PCDH9: variants seen among roughly 807,000 people sequenced by gnomAD.
PCDH9 encodes the protein protocadherin-9.
PCDH9 carries 24 observed loss-of-function variants against 70.6 expected under a neutral mutation model. The observed-to-expected ratio is 0.34, with a 90% confidence interval of 0.25 to 0.48. The LOEUF (loss-of-function observed/expected upper bound fraction) is 0.48. PCDH9 is among the 20% of genes least tolerant of loss of function. The probability of loss-of-function intolerance (pLI) is 0.99; values close to 1 mark genes in which losing one functional copy is unlikely to be tolerated. For missense variants in PCDH9, 1,281 were observed against 1,503.6 expected (o/e 0.85, Z 2.45); for synonymous variants, 562 against 558.5 (o/e 1.01, Z -0.09).
At chr13:66,884,207 G>A (rs967154336) in intron 3 of PCDH9, among the ~76,000 whole-genome samples, 9 of 151,930 alleles carry the variant, frequency 5.9e-5, no homozygotes, top group African/African-American at 1.2e-4. Flanking sequence ...CACTTTAAGC[G>A]TTCTTGCTTT....
chr13:66,575,721 C>T (rs995271079), intron 4 of PCDH9, among the ~76,000 whole-genome samples: 1 of 152,096 alleles, frequency 6.6e-6, no homozygotes, highest in Non-Finnish European at 1.5e-5. Flanking sequence ...ATTTTCAGAA[C>T]CATCTCCCTC....
At chr13:66,992,318 A>C (rs573817748) in intron 2 of PCDH9, among the ~76,000 whole-genome samples, 31 of 152,230 alleles carry the variant, frequency 2.0e-4, no homozygotes, top group Non-Finnish European at 4.4e-4. Context: ...AGGTACTGCC[A>C]CTCTGTCAAG....
At chr13:66,820,978 C>T (rs572870224) in intron 3 of PCDH9, among the ~76,000 whole-genome samples, 1 of 152,080 alleles carries the variant, frequency 6.6e-6, no homozygotes, top group Admixed American at 6.5e-5. Context: ...GCTCATGTTC[C>T]CCTGAACTTA....
intron 2 of PCDH9, among the ~76,000 whole-genome samples, chr13:67,188,986 T>C (rs576251637): frequency 3.9e-5 from 6 of 152,182 alleles, no homozygotes; most frequent in South Asian, 4.2e-4. Flanking sequence ...GTGTCATTCT[T>C]ATGCCTTTGC....
At chr13:66,481,086 T>G (rs545362513) in intron 4 of PCDH9, among the ~76,000 whole-genome samples, 1 of 151,656 alleles carries the variant, frequency 6.6e-6, no homozygotes, top group Non-Finnish European at 1.5e-5. Context: ...TTCTGACTCA[T>G]AAGTGGGAGT....
chr13:66,773,808 C>T (rs889203012), intron 3 of PCDH9, among the ~76,000 whole-genome samples: 5 of 150,460 alleles, frequency 3.3e-5, no homozygotes, highest in Non-Finnish European at 5.9e-5. Context: ...GACGGAGCTT[C>T]GCTCTTGTCT....
At chr13:66,746,957 T>C (rs2079375655) in intron 3 of PCDH9, among the ~76,000 whole-genome samples, 1 of 152,080 alleles carries the variant, frequency 6.6e-6, no homozygotes, top group Non-Finnish European at 1.5e-5. Context: ...GATTTCTTGC[T>C]ATTTTTTCCT....
At chr13:67,210,030 C>A (rs1335189283) in intron 2 of PCDH9, 1 of 152,034 alleles carries the variant, frequency 6.6e-6, no homozygotes, top group Non-Finnish European at 1.5e-5. Flanking sequence ...ATTTTTATTA[C>A]ATTTACACAT....
At chr13:66,374,410 A>G (rs1956713617) in intron 4 of PCDH9, among the ~76,000 whole-genome samples, 1 of 152,022 alleles carries the variant, frequency 6.6e-6, no homozygotes, top group Admixed American at 6.6e-5. Flanking sequence ...TACTTTTAGA[A>G]ATTTGATTAG....
At chr13:67,151,801 C>T (rs956500051) in intron 2 of PCDH9, among the ~76,000 whole-genome samples, 17 of 151,990 alleles carry the variant, frequency 1.1e-4, no homozygotes, top group Non-Finnish European at 2.4e-4. Flanking sequence ...ATAAAGGACT[C>T]AGGAAGTATC....
intron 2 of PCDH9, among the ~76,000 whole-genome samples, chr13:66,910,989 T>C (rs1015682904): frequency 2.0e-4 from 30 of 152,334 alleles, no homozygotes; most frequent in Admixed American, 5.9e-4. Flanking sequence ...GAGATAGCAA[T>C]AGAGTTATAT....
intron 2 of PCDH9, among the ~76,000 whole-genome samples, chr13:66,998,268 T>C (rs1474724016): frequency 1.3e-5 from 2 of 152,202 alleles, no homozygotes; most frequent in African/African-American, 4.8e-5. Flanking sequence ...TGGAGATTGT[T>C]GGTTTAAGGA....
In PCDH9 at chr13:66,304,922, A is replaced by T; in HGVS notation, c.3447T>A (p.Gly1149=). 6.2e-7 allele frequency: 1 copy of T among 1,613,488 alleles called. No homozygotes were observed. Among genetic ancestry groups the T allele is most frequent in the Non-Finnish European group, 8.5e-7 (1 of 1,179,730 alleles). Residue 1149 remains glycine, a synonymous_variant, in exon 5 of 5, where the codon GGT becomes GGA. Transcript: ENST00000377865. The stretch of plus-strand genomic sequence containing the variant: ...GAGGAGATTTGGGGTGTTGATATGG[A>T]CCCAAGCCAGGAGGCATCCAGCAAT... ...SDNCWMPPGL[G]PYQHPKSPLS...
intron 3 of PCDH9, among the ~76,000 whole-genome samples, chr13:66,697,640 C>G (rs2078582114): frequency 6.6e-6 from 1 of 152,196 alleles, no homozygotes; most frequent in Admixed American, 6.5e-5. Context: ...TTAACAGCAT[C>G]CCTGGCTTCT....
At chr13:66,934,509 C>G (rs1399409118) in intron 2 of PCDH9, among the ~76,000 whole-genome samples, 1 of 138,982 alleles carries the variant, frequency 7.2e-6, no homozygotes, top group Non-Finnish European at 1.5e-5. Context: ...CCATTGCACT[C>G]CACCCTGGGT....
intron 4 of PCDH9, among the ~76,000 whole-genome samples, chr13:66,626,837 T>C (rs1312315938): frequency 6.6e-6 from 1 of 152,200 alleles, no homozygotes; most frequent in Non-Finnish European, 1.5e-5. Flanking sequence ...CATTTACTTA[T>C]TGTTTTAATC....
chr13:66,353,694 T>C (rs953051891), intron 4 of PCDH9, among the ~76,000 whole-genome samples: 5 of 152,184 alleles, frequency 3.3e-5, no homozygotes, highest in Non-Finnish European at 5.9e-5. Flanking sequence ...GCTTATTTTA[T>C]ACAATTTTTT....
In PCDH9 at chr13:66,633,645, T is replaced by C. The variant is rs149161099; in HGVS notation, c.3139-2234A>G. On this transcript the variant is annotated intron_variant, in intron 3 of 4. Transcript: ENST00000377865. ...TTGGTATTATCTCTTGAGGAATACCTCTTAACTCTGGTGAGTAAAAAGAAG... is the reference window on the plus strand; with the variant it reads ...TTGGTATTATCTCTTGAGGAATACCCCTTAACTCTGGTGAGTAAAAAGAAG... Among the ~76,000 whole-genome samples, 638 of 152,276 alleles carry C rather than the reference T, an allele frequency of 4.2e-3. 20 individuals carry two copies. In the East Asian group the frequency reaches 0.081, roughly 19 times the overall value.
intron 3 of PCDH9, among the ~76,000 whole-genome samples, chr13:66,787,022 C>A (rs1260663774): frequency 1.3e-5 from 2 of 152,106 alleles, no homozygotes; most frequent in East Asian, 3.9e-4. Flanking sequence ...AACATCTTAA[C>A]CAAGCTTCTC....
Sources: allele counts gnomAD v4.1 joint callset (sites outside exome capture counted in the v4.1 genomes callset), GRCh38; gene constraint gnomAD v4.1.1; transcripts MANE v1.5; gene names NCBI Gene and HGNC (gene_info 2026-07-23, HGNC 2026-07-21).